Variants in ZNF83 observed in about 807,000 individuals in gnomAD.
The protein encoded by ZNF83 is zinc finger protein 83.
For missense variants in ZNF83, 552 were observed against 629.9 expected (o/e 0.88, Z 1.32); for synonymous variants, 209 against 213.0 (o/e 0.98, Z 0.17).
intron 2 of ZNF83, among the ~76,000 whole-genome samples, chr19:52,624,686 T>C (rs1166193252): frequency 6.6e-6 from 1 of 152,184 alleles, no homozygotes; most frequent in East Asian, 1.9e-4. Context: ...GGACCAGGAC[T>C]GCACCCTGTA....
At chr19:52,679,613 AAAAT>A (rs750142886) in intron 1 of ZNF83, among the ~76,000 whole-genome samples, 19 of 152,290 alleles carry the variant, frequency 1.2e-4, no homozygotes, top group East Asian at 7.7e-4. Flanking sequence ...TGTATCTCAA[AAAAT>A]AAATAAATAA....
chr19:52,638,773 C>A (rs966974443), upstream of ZNF83, among the ~76,000 whole-genome samples: 1 of 152,210 alleles, frequency 6.6e-6, no homozygotes, highest in African/African-American at 2.4e-5. Flanking sequence ...AGGCCACTGC[C>A]TGAGATGCAG....
chr19:52,647,759 G>A (rs2061391782), intron 3 of ZNF83, among the ~76,000 whole-genome samples: 1 of 149,916 alleles, frequency 6.7e-6, no homozygotes, highest in Non-Finnish European at 1.5e-5. Context: ...CACCTCTTCT[G>A]CTTCATCCTT....
chr19:52,615,518 C>T (rs1372305479), intron 2 of ZNF83, among the ~76,000 whole-genome samples: 2 of 152,106 alleles, frequency 1.3e-5, no homozygotes, highest in African/African-American at 2.4e-5. Flanking sequence ...GTGAGTGAAT[C>T]ATCTGAGGTC....
chr19:52,658,876 T>A (rs2061541443), intron 2 of ZNF83, among the ~76,000 whole-genome samples: 1 of 152,214 alleles, frequency 6.6e-6, no homozygotes, highest in South Asian at 2.1e-4. Flanking sequence ...TAATCATTCA[T>A]GAAACTACTC....
chr19:52,672,200 C>T (rs1413117108), intron 1 of ZNF83, among the ~76,000 whole-genome samples: 1 of 152,078 alleles, frequency 6.6e-6, no homozygotes, highest in Non-Finnish European at 1.5e-5. Context: ...CACCACAGCT[C>T]TCCAGCCTGA....
chr19:52,668,038 GT>G (rs143510387), intron 1 of ZNF83, among the ~76,000 whole-genome samples: 1 of 152,250 alleles, frequency 6.6e-6, no homozygotes, highest in African/African-American at 2.4e-5. Flanking sequence ...ATGTCCCCAC[GT>G]TTAAAACAAA....
At chr19:52,645,811 C>CA (rs200756891) in intron 3 of ZNF83, among the ~76,000 whole-genome samples, 1,774 of 141,466 alleles carry the variant, frequency 0.013, 39 homozygotes, top group African/African-American at 0.044. Flanking sequence ...TGCCCCCCCC[C>CA]AAAAAAAGGA....
intron 2 of ZNF83, among the ~76,000 whole-genome samples, chr19:52,626,074 G>A (rs534782916): frequency 6.6e-6 from 1 of 152,220 alleles, no homozygotes; most frequent in Non-Finnish European, 1.5e-5. Context: ...TTGCAAATGG[G>A]ACTGAACAAC....
intron 1 of ZNF83, among the ~76,000 whole-genome samples, chr19:52,675,275 G>A (rs889672858): frequency 2.0e-5 from 3 of 152,284 alleles, no homozygotes; most frequent in East Asian, 1.9e-4. Flanking sequence ...TTGCATGTAC[G>A]GTAAGTGAGG....
chr19:52,639,414 TA>T (rs1460477340), upstream of ZNF83, among the ~76,000 whole-genome samples: 327 of 85,098 alleles, frequency 3.8e-3, 4 homozygotes, highest in African/African-American at 0.01. Context: ...TAGTTTTTTC[TA>T]TTTTTTTTTT....
At chr19:52,639,923 C>T (rs1209155636), upstream of ZNF83, among the ~76,000 whole-genome samples, 2 of 152,160 alleles carry the variant, frequency 1.3e-5, no homozygotes, top group African/African-American at 4.8e-5. Context: ...AAGGAAACTT[C>T]ACTGTTCTAT....
At chr19:52,612,985 C>T in exon 3 of ZNF83, 1 of 1,530,034 alleles carries the variant, frequency 6.5e-7, no homozygotes, top group Non-Finnish European at 8.8e-7. Flanking sequence ...TCTTACAAGG[C>T]TTTAATGCTA....
intron 2 of ZNF83, among the ~76,000 whole-genome samples, chr19:52,632,505 G>A (rs378066): frequency 0.53 from 79,890 of 151,736 alleles, 21,284 homozygotes; most frequent in East Asian, 0.68. Flanking sequence ...GTCTAGTCAT[G>A]CTCCTATTCA....
At chr19:52,685,191 C>CA (rs1310277335) in intron 1 of ZNF83, among the ~76,000 whole-genome samples, 3 of 152,118 alleles carry the variant, frequency 2.0e-5, no homozygotes, top group Non-Finnish European at 4.4e-5. Context: ...TTTCAGGGGC[C>CA]AGGGTCACTC....
intron 2 of ZNF83, among the ~76,000 whole-genome samples, chr19:52,632,353 G>C (rs1026724865): frequency 3.3e-5 from 5 of 152,062 alleles, no homozygotes; most frequent in South Asian, 2.1e-4. Context: ...TACCACTTTC[G>C]CTTCTCAGAA....
At chr19:52,680,730 A>G (rs567776429) in intron 1 of ZNF83, among the ~76,000 whole-genome samples, 474 of 136,306 alleles carry the variant, frequency 3.5e-3, no homozygotes, top group Non-Finnish European at 5.1e-3. Flanking sequence ...CTCCTGCCTC[A>G]GCCTCCCGAG....
exon 3 of ZNF83, chr19:52,614,157 A>C: frequency 6.2e-7 from 1 of 1,614,056 alleles, no homozygotes; most frequent in Non-Finnish European, 8.5e-7. Flanking sequence ...GATGACTTGC[A>C]AGGTTTGATT....
chr19:52,631,284 AAAC>A (rs1477812457), intron 2 of ZNF83, among the ~76,000 whole-genome samples: 11 of 151,984 alleles, frequency 7.2e-5, no homozygotes, highest in African/African-American at 2.4e-4. Context: ...ATCCCTTACA[AAAC>A]AACAACTCCT....
Sources: allele counts gnomAD v4.1 joint callset (sites outside exome capture counted in the v4.1 genomes callset), GRCh38; gene constraint gnomAD v4.1.1; transcripts MANE v1.5; gene names NCBI Gene and HGNC (gene_info 2026-07-23, HGNC 2026-07-21).